The following SLTM variants were observed in gnomAD, a reference collection of about 807,000 sequenced individuals.
SLTM encodes SAFB-like transcription modulator.
Under a neutral mutation model 134.6 loss-of-function variants are expected in SLTM, and 43 were observed. The ratio of observed to expected loss-of-function variants is 0.32; its 90% CI spans 0.25 to 0.41. The LOEUF is 0.41. Ranked by LOEUF, SLTM falls within the 10% of genes least tolerant of loss-of-function variation. The pLI is 1.00. For missense variants in SLTM, 1,055 were observed against 1,288.8 expected, an observed-to-expected ratio of 0.82 and a Z score of 2.78; for synonymous variants, 424 against 432.3, an observed-to-expected ratio of 0.98 and a Z score of 0.24.
chr15:58,902,475 C>T (rs1199297810), intron 5 of SLTM, among the ~76,000 whole-genome samples: 1 of 151,846 alleles, frequency 6.6e-6, no homozygotes, highest in Non-Finnish European at 1.5e-5. Flanking sequence ...CAGCCTCAAC[C>T]CCTGGGCTCA....
chr15:58,932,477 A>G (rs372961647), intron 1 of SLTM, 34 bp from the exon 2 acceptor site: 5 of 1,433,360 alleles, frequency 3.5e-6, no homozygotes, highest in Middle Eastern at 1.8e-4. Context: ...ATGCTACACA[A>G]TCTATCTAAA....
At chr15:58,922,670 T>A (rs1056143231) in intron 2 of SLTM, among the ~76,000 whole-genome samples, 8 of 147,356 alleles carry the variant, frequency 5.4e-5, no homozygotes, top group Admixed American at 4.1e-4. Flanking sequence ...AAAAAATATA[T>A]AAAATATATA....
At chr15:58,883,468 A>C in intron 20 of SLTM, 158 bp downstream of exon 20, 2 of 906,812 alleles carry the variant, frequency 2.2e-6, no homozygotes, top group African/African-American at 3.3e-5. Context: ...CTGTTCTGCA[A>C]ACACTCTTTT....
At chr15:58,930,041 G>C (rs997699792) in intron 2 of SLTM, among the ~76,000 whole-genome samples, 6 of 151,996 alleles carry the variant, frequency 3.9e-5, no homozygotes, top group African/African-American at 1.2e-4. Context: ...AATGATAGCC[G>C]GATTTCAAGA....
At chr15:58,905,928 C>T (rs534015460) in intron 5 of SLTM, among the ~76,000 whole-genome samples, 10 of 152,156 alleles carry the variant, frequency 6.6e-5, no homozygotes, top group South Asian at 4.2e-4. Flanking sequence ...ATTTATATGC[C>T]GGTAGGAAAT....
chr15:58,923,506 A>G (rs1024789339), intron 2 of SLTM, among the ~76,000 whole-genome samples: 2 of 152,134 alleles, frequency 1.3e-5, no homozygotes, highest in African/African-American at 4.8e-5. Flanking sequence ...TCCTGTCACT[A>G]CCTCTGCAGG....
rs766040902 is a variant in SLTM, at chr15:58,913,724, A to G, written c.316-28T>C. ...TTTAATGGTAAGAAAATTTGGTACAACTAGAGGCAAAGTAGTGTGGGCTAT... is the reference window on the plus strand; with the variant it reads ...TTTAATGGTAAGAAAATTTGGTACAGCTAGAGGCAAAGTAGTGTGGGCTAT... On this transcript the variant is annotated intron_variant, in intron 3 of 20. Coordinates refer to ENST00000380516, the MANE Select transcript of SLTM (RefSeq NM_024755.4). 6.9e-6 allele frequency: 11 copies of G among 1,597,698 alleles called. No homozygotes were observed. In the South Asian group the frequency reaches 1.1e-4, roughly 16 times the overall value.
At chr15:58,893,773 TAAG>T (rs746102950) in intron 12 of SLTM, 45 bp downstream of exon 12, 8 of 1,539,750 alleles carry the variant, frequency 5.2e-6, no homozygotes, top group African/African-American at 2.8e-5. Flanking sequence ...CTGTAAAAAT[TAAG>T]TAGTAGAATG....
intron 2 of SLTM, among the ~76,000 whole-genome samples, chr15:58,921,879 G>C (rs142695421): frequency 1.3e-4 from 20 of 152,108 alleles, no homozygotes; most frequent in Non-Finnish European, 2.6e-4. Flanking sequence ...AGGTTCAAGC[G>C]ATTCTCATGC....
intron 1 of SLTM, 44 bp downstream of exon 1, chr15:58,933,360 T>C: frequency 2.0e-6 from 3 of 1,536,500 alleles, no homozygotes; most frequent in South Asian, 2.4e-5. Flanking sequence ...AGGCGCGGCC[T>C]AAGTTCCCCT....
At chr15:58,930,975 G>C (rs1200659600) in intron 2 of SLTM, among the ~76,000 whole-genome samples, 2 of 151,762 alleles carry the variant, frequency 1.3e-5, no homozygotes. Context: ...AAACAACCTG[G>C]GACTATGATT....
At position 58,925,144 on chromosome 15, in the gene SLTM, C is replaced by G. The variant is rs933812218; in HGVS notation, c.250+7212G>C. On this transcript the variant is annotated intron_variant, in intron 2 of 20. Coordinates refer to ENST00000380516, the MANE Select transcript of SLTM (RefSeq NM_024755.4). The stretch of plus-strand genomic sequence containing the variant: ...GGGAGGGGAAGATTAAGAAGATATG[C>G]CAAACTGAAATGTTTCCAGCAACAA... Among the ~76,000 whole-genome samples the G allele has an allele frequency of 6.6e-5, 10 of 151,138 alleles. No individual in the cohort carries two copies. The East Asian group carries it at 1.9e-3, about 29-fold the overall frequency.
chr15:58,913,730 G>A (rs1386065570), intron 3 of SLTM, 34 bp from the exon 4 acceptor site: 1 of 1,577,608 alleles, frequency 6.3e-7, no homozygotes. Context: ...TACAACTAGA[G>A]GCAAAGTAGT....
intron 3 of SLTM, among the ~76,000 whole-genome samples, chr15:58,915,671 AC>A (rs1221297811): frequency 2.0e-5 from 3 of 152,116 alleles, no homozygotes; most frequent in African/African-American, 7.2e-5. Context: ...TTCAGGGCTA[AC>A]TCCTCAACAA....
intron 5 of SLTM, among the ~76,000 whole-genome samples, chr15:58,903,487 C>A (rs1374533547): frequency 7.1e-6 from 1 of 140,392 alleles, no homozygotes; most frequent in Non-Finnish European, 1.5e-5. Context: ...CTTGTTAAAA[C>A]AAAACACAGA....
intron 5 of SLTM, among the ~76,000 whole-genome samples, chr15:58,905,644 T>C (rs1191449709): frequency 1.3e-5 from 2 of 152,184 alleles, no homozygotes; most frequent in African/African-American, 4.8e-5. Flanking sequence ...TTCCAAGTTA[T>C]TGTTTTAGAG....
intron 2 of SLTM, among the ~76,000 whole-genome samples, chr15:58,920,527 A>T (rs1261814222): frequency 1.3e-5 from 2 of 151,046 alleles, no homozygotes; most frequent in African/African-American, 4.9e-5. Flanking sequence ...GGAGGCTGAG[A>T]CAGGAGAATC....
At position 58,883,698 on chromosome 15, in the gene SLTM, C is replaced by T; in HGVS notation, c.2924G>A (p.Gly975Glu). The T allele has an allele frequency of 6.2e-7, 1 of 1,614,118 alleles. No individual in the cohort carries two copies. The highest frequency in any genetic ancestry group is 8.5e-7 in the Non-Finnish European group (1 of 1,180,030). ...RKEWHGPPSQ[G>E]PSYHDTRRMG... ...TCGCCTCGTATCATGATAGCTAGGCCCTTGAGAGGGTGGACCATGCCACTC... is the reference window on the plus strand; with the variant it reads ...TCGCCTCGTATCATGATAGCTAGGCTCTTGAGAGGGTGGACCATGCCACTC... Residue 975 changes from glycine (G) to glutamate (E), a missense_variant, in exon 20 of 21, where the codon GGG (glycine) becomes GAG (glutamate). By Grantham distance (98) the Gly-to-Glu change is moderately conservative. Around this residue, in one of 3 missense-constraint regions of SLTM, gnomAD observed 776 missense variants for 962.2 expected, o/e 0.81. Transcript: ENST00000380516.
At chr15:58,914,860 C>T (rs1264239267) in intron 3 of SLTM, among the ~76,000 whole-genome samples, 1 of 152,142 alleles carries the variant, frequency 6.6e-6, no homozygotes, top group Non-Finnish European at 1.5e-5. Flanking sequence ...TATGTTGATA[C>T]TTCCAAAAAT....
Sources: gnomAD v4.1 joint callset for allele counts (sites outside exome capture counted in the v4.1 genomes callset) on GRCh38, gnomAD v4.1.1 for gene constraint, gnomAD v4.1.1 regional missense constraint, MANE v1.5 for transcripts, NCBI Gene and HGNC (gene_info 2026-07-23, HGNC 2026-07-21) for gene names.